Variants in AOPEP observed in about 807,000 individuals in gnomAD.
AOPEP encodes aminopeptidase O.
Under a neutral mutation model 98.1 loss-of-function variants are expected in AOPEP, and 77 were observed. That is an observed-to-expected ratio of 0.78 (90% CI 0.65 to 0.95). The LOEUF is 0.95. Among genes scored for constraint, AOPEP ranks in the 40% least tolerant of loss-of-function variants. The pLI is 0.00. For missense variants in AOPEP, 1,024 were observed against 1,024.7 expected, an observed-to-expected ratio of 1.00 and a Z score of 0.01; for synonymous variants, 346 against 365.3, an observed-to-expected ratio of 0.95 and a Z score of 0.60.
chr9:95,082,728 C>T lies in AOPEP; in HGVS notation c.*4+9C>T, dbSNP rs2069981215. On this transcript the variant is annotated intron_variant, in intron 16 of 16. Transcript: ENST00000375315. ...AATGTTATTTTAACGAGGTGATTCT[C>T]TCCCTTTCCTTTCTGTCATTTAGTT... The T allele has an allele frequency of 6.2e-7, 1 of 1,613,930 alleles. No individual in the cohort carries two copies. Among genetic ancestry groups the T allele is most frequent in the South Asian group, 1.1e-5 (1 of 91,032 alleles).
intron 14 of AOPEP, among the ~76,000 whole-genome samples, chr9:95,076,671 T>C (rs531590583): frequency 1.3e-5 from 2 of 152,320 alleles, no homozygotes; most frequent in South Asian, 2.1e-4. Context: ...GAAAAATACA[T>C]TGTGTGTGTG....
rs1416992406 is a variant in AOPEP at position 94,972,852 on chromosome 9, T to C, written c.1916+5051T>C. Among the ~76,000 whole-genome samples, 1 of 151,884 alleles carries C rather than the reference T, an allele frequency of 6.6e-6. No individual in the cohort carries two copies. Among genetic ancestry groups the C allele is most frequent in the African/African-American group, 2.4e-5 (1 of 41,322 alleles). On this transcript the variant is annotated intron_variant, in intron 10 of 16. Coordinates refer to ENST00000375315, the MANE Select transcript of AOPEP (RefSeq NM_001193329.3). This position sits in a 1 kb window ranked among gnomAD's most constrained non-coding sequence, Gnocchi z 4.2. Reference sequence around the variant, plus strand: ...TACTCGGGAGGCTGAGGTGGGAGGATGGCTTGAGTCCAGGCGTTTGAGGCT... The same window carrying C: ...TACTCGGGAGGCTGAGGTGGGAGGACGGCTTGAGTCCAGGCGTTTGAGGCT...
chr9:94,766,673 A>G (rs1839699753), intron 2 of AOPEP, among the ~76,000 whole-genome samples: 1 of 152,246 alleles, frequency 6.6e-6, no homozygotes, highest in South Asian at 2.1e-4. Context: ...CTGAATTTGA[A>G]TTGAATGGAG....
chr9:94,975,997 G>A (rs1169744897), intron 10 of AOPEP, among the ~76,000 whole-genome samples: 1 of 152,144 alleles, frequency 6.6e-6, no homozygotes, highest in Non-Finnish European at 1.5e-5. Flanking sequence ...GCCCCACCAG[G>A]ACCCAGTCAT....
At chr9:94,880,819 A>G (rs868617180) in intron 5 of AOPEP, among the ~76,000 whole-genome samples, 2 of 152,290 alleles carry the variant, frequency 1.3e-5, no homozygotes, top group African/African-American at 4.8e-5. Context: ...TCCCTTCTCT[A>G]TTAACTCATT....
At chr9:94,989,609 C>CTTTT (rs71498953) in intron 11 of AOPEP, among the ~76,000 whole-genome samples, 6 of 123,948 alleles carry the variant, frequency 4.8e-5, no homozygotes, top group Admixed American at 1.6e-4. Flanking sequence ...GTAACCCAAA[C>CTTTT]TTTTTTTTTT....
At chr9:94,937,907 C>G (rs763059163) in intron 7 of AOPEP, among the ~76,000 whole-genome samples, 2 of 152,184 alleles carry the variant, frequency 1.3e-5, no homozygotes, top group African/African-American at 2.4e-5. Context: ...GAATCTCGCT[C>G]TGTCACCCAG....
chr9:94,903,909 A>AAAAAG (rs2050774145), intron 5 of AOPEP, among the ~76,000 whole-genome samples: 1 of 151,348 alleles, frequency 6.6e-6, no homozygotes, highest in African/African-American at 2.4e-5. Context: ...AAAAAAAAAA[A>AAAAAG]AAAGTTCAAA....
chr9:94,889,681 A>G (rs2048649956), intron 5 of AOPEP, among the ~76,000 whole-genome samples: 1 of 152,100 alleles, frequency 6.6e-6, no homozygotes, highest in Non-Finnish European at 1.5e-5. Flanking sequence ...CATGAAAATA[A>G]TTTTTCAGTT....
intron 5 of AOPEP, among the ~76,000 whole-genome samples, chr9:94,827,480 A>G (rs1011777562): frequency 1.3e-5 from 2 of 152,206 alleles, no homozygotes; most frequent in East Asian, 1.9e-4. Flanking sequence ...GAAGAAATTC[A>G]TAAGAGAATG....
intron 13 of AOPEP, among the ~76,000 whole-genome samples, chr9:95,032,079 TCC>T (rs1271968334): frequency 1.3e-5 from 2 of 152,330 alleles, no homozygotes; most frequent in African/African-American, 4.8e-5. Flanking sequence ...AAGGTACATG[TCC>T]CAGGAAAGCA....
intron 16 of AOPEP, among the ~76,000 whole-genome samples, chr9:95,084,492 G>A (rs373536766): frequency 4.3e-4 from 66 of 152,276 alleles, no homozygotes; most frequent in African/African-American, 1.5e-3. Context: ...CCTCACTGCC[G>A]GCCTCATAAT....
chr9:94,807,013 G>T (rs1284270507), intron 5 of AOPEP, among the ~76,000 whole-genome samples: 1 of 152,202 alleles, frequency 6.6e-6, no homozygotes, highest in African/African-American at 2.4e-5. Context: ...AAGGCAGTGA[G>T]TGCTTGATTT....
At chr9:95,081,485 T>C (rs1587957810) in intron 15 of AOPEP, among the ~76,000 whole-genome samples, 1 of 151,926 alleles carries the variant, frequency 6.6e-6, no homozygotes, top group Non-Finnish European at 1.5e-5. Flanking sequence ...CCAGCTGGGG[T>C]GGAGAGTGGG....
At chr9:94,791,288 C>G (rs895132334) in intron 3 of AOPEP, among the ~76,000 whole-genome samples, 4 of 151,992 alleles carry the variant, frequency 2.6e-5, no homozygotes. Flanking sequence ...GAGGTGAACA[C>G]TGAGTACACA....
At chr9:95,113,331 G>C in the AOPEP span, among the ~76,000 whole-genome samples, 1 of 152,194 alleles carries the variant, frequency 6.6e-6, no homozygotes, top group Non-Finnish European at 1.5e-5. Flanking sequence ...GTGAAAAGTG[G>C]CAAAAGGAAC....
At chr9:95,075,417 AAGTC>A (rs1368107786) in intron 14 of AOPEP, among the ~76,000 whole-genome samples, 1 of 152,244 alleles carries the variant, frequency 6.6e-6, no homozygotes, top group African/African-American at 2.4e-5. Context: ...GCCATGAACA[AAGTC>A]AGACAGATTG....
chr9:95,005,334 C>G (rs911378111), intron 12 of AOPEP, 114 bp downstream of exon 12: 3 of 728,028 alleles, frequency 4.1e-6, no homozygotes, highest in Non-Finnish European at 5.6e-6. Context: ...ACCCGCCAGG[C>G]TCCGGCTCGG....
At chr9:94,765,065 G>A (rs879377676) in intron 2 of AOPEP, among the ~76,000 whole-genome samples, 6 of 151,830 alleles carry the variant, frequency 4.0e-5, no homozygotes, top group Admixed American at 6.6e-5. Flanking sequence ...TGGCTGAAAC[G>A]ATCCTTCCAC....
Sources: gnomAD v4.1 joint callset for allele counts (sites outside exome capture counted in the v4.1 genomes callset) on GRCh38, gnomAD v4.1.1 for gene constraint, Gnocchi (gnomAD v3.1) non-coding constraint, MANE v1.5 for transcripts, NCBI Gene and HGNC (gene_info 2026-07-23, HGNC 2026-07-21) for gene names.